The following PKHD1 variants were observed in gnomAD, a reference collection of about 807,000 sequenced individuals.
PKHD1 encodes fibrocystin.
A neutral mutation model predicts 412.0 loss-of-function variants in PKHD1; 291 were observed. That is an observed-to-expected ratio of 0.71 (90% CI 0.64 to 0.78). The LOEUF (loss-of-function observed/expected upper bound fraction) is 0.78, where lower values mean the gene tolerates loss of function less well. Among genes scored for constraint, PKHD1 ranks in the 30% least tolerant of loss-of-function variants. PKHD1 has a pLI of 0.00. For missense variants in PKHD1, 4,825 were observed against 4,950.7 expected (o/e 0.97, Z 0.76); for synonymous variants, 1,777 against 1,821.5 (o/e 0.98, Z 0.62).
intron 36 of PKHD1, among the ~76,000 whole-genome samples, chr6:51,954,416 C>A (rs1790815139): frequency 6.6e-6 from 1 of 152,042 alleles, no homozygotes; most frequent in South Asian, 2.1e-4. Flanking sequence ...AGGCTCAGTT[C>A]TTTGTGGCTA....
Position 52,024,830 on chromosome 6 carries a change from C to T in PKHD1, c.4980G>A (p.Leu1660=), listed in dbSNP as rs767061150. 1 of 1,614,172 alleles carries T rather than the reference C, an allele frequency of 6.2e-7. No individual in the cohort carries two copies. Among genetic ancestry groups the T allele is most frequent in the Non-Finnish European group, 8.5e-7 (1 of 1,180,042 alleles). ...TGTCATCGCTCTGAGAAATAGAGAT[C>T]AATTCTGGGGTAAAGGCCTTGTTAT... ...IGYNKAFTPE[L]ISISQSDDIL... The change falls in exon 32 of 67, where the codon TTG becomes TTA. Residue 1660 remains leucine (L), a synonymous_variant. Coordinates refer to ENST00000371117, the MANE Select transcript of PKHD1 (RefSeq NM_138694.4).
chr6:52,024,859 C>A lies in PKHD1; in HGVS notation c.4951G>T (p.Gly1651Cys). ...DGLWYHIGVIGYNKAFTPELI... is the reference protein window; with the variant it reads ...DGLWYHIGVICYNKAFTPELI... ...TCTGGGGTAAAGGCCTTGTTATAAC[C>A]AATGACTCCTATGTGATACCAAAGT... The change falls in exon 32 of 67, where the codon GGT (glycine) becomes TGT (cysteine). Residue 1651 changes from glycine (G) to cysteine (C), a missense_variant. Transcript: ENST00000371117. 6.2e-7 allele frequency: 1 copy of A among 1,614,204 alleles called. No individual in the cohort carries two copies. The highest frequency in any genetic ancestry group is 8.5e-7 in the Non-Finnish European group (1 of 1,180,032).
intron 43 of PKHD1, among the ~76,000 whole-genome samples, chr6:51,897,129 C>A (rs1028522683): frequency 2.6e-5 from 4 of 152,070 alleles, no homozygotes; most frequent in Non-Finnish European, 4.4e-5. Flanking sequence ...TCTAGCAAGG[C>A]AGGCCAACGT....
chr6:51,680,986 G>A (rs1256007764), intron 60 of PKHD1, among the ~76,000 whole-genome samples: 1 of 151,988 alleles, frequency 6.6e-6, no homozygotes, highest in East Asian at 1.9e-4. Flanking sequence ...TTGGGGTTAA[G>A]GATTGACAGA....
intron 37 of PKHD1, among the ~76,000 whole-genome samples, chr6:51,914,399 A>G (rs893922250): frequency 6.6e-6 from 1 of 152,090 alleles, no homozygotes; most frequent in Non-Finnish European, 1.5e-5. Context: ...TAACACCTCT[A>G]TGTGTATGGT....
At chr6:52,065,830 T>C (rs1195118038) in intron 12 of PKHD1, 146 bp downstream of exon 12, 15 of 662,576 alleles carry the variant, frequency 2.3e-5, no homozygotes, top group Non-Finnish European at 3.3e-5. Context: ...TCCCACCTGG[T>C]CTCAACCAAA....
At chr6:51,739,858 C>G (rs941227257) in intron 60 of PKHD1, 2 of 316,750 alleles carry the variant, frequency 6.3e-6, no homozygotes, top group Non-Finnish European at 1.4e-5. Context: ...TCTGCTGCCT[C>G]CTGACACTGC....
intron 63 of PKHD1, among the ~76,000 whole-genome samples, chr6:51,641,276 T>C (rs558474505): frequency 5.9e-5 from 9 of 152,226 alleles, no homozygotes; most frequent in South Asian, 4.2e-4. Context: ...TTAAAAAAGG[T>C]AATAGTGACA....
At chr6:51,697,969 TAGGA>T (rs1778996235) in intron 60 of PKHD1, among the ~76,000 whole-genome samples, 1 of 152,150 alleles carries the variant, frequency 6.6e-6, no homozygotes, top group Non-Finnish European at 1.5e-5. Context: ...ACCTAGGAGA[TAGGA>T]AGTAAGGAAA....
intron 60 of PKHD1, chr6:51,721,621 G>C: frequency 9.1e-7 from 1 of 1,094,554 alleles, no homozygotes; most frequent in Non-Finnish European, 1.1e-6. Flanking sequence ...ACTCACTAAA[G>C]GCAAAGCTTA....
rs1044158163 is a variant in PKHD1, at chr6:51,640,892, T to G, written c.11399-1936A>C. 8.5e-5 allele frequency among the ~76,000 whole-genome samples: 13 copies of G among 152,336 alleles called. 1 individual carries two copies. Among genetic ancestry groups the G allele is most frequent in the African/African-American group, 2.6e-4 (11 of 41,584 alleles). The stretch of plus-strand genomic sequence containing the variant: ...ACTTTTTATGATAATAGGTTGTAAC[T>G]GCCTTTTCACTGAGGAGGGTCTACT... On this transcript the variant is annotated intron_variant, in intron 63 of 66. Transcript: ENST00000371117.
chr6:51,885,591 C>T lies in PKHD1; in HGVS notation c.7215+276G>A, dbSNP rs543649376. 1.1e-4 allele frequency among the ~76,000 whole-genome samples: 17 copies of T among 152,252 alleles called. No individual in the cohort carries two copies. In the South Asian group the frequency reaches 3.3e-3, roughly 30 times the overall value. Reference sequence around the variant, plus strand: ...TCTGTGATCTCCCCTGATTATAAATCTTTATGATTCTGTTGTTCTCTTCTA... The same window carrying T: ...TCTGTGATCTCCCCTGATTATAAATTTTTATGATTCTGTTGTTCTCTTCTA... On this transcript the variant is annotated intron_variant, in intron 45 of 66. Coordinates refer to ENST00000371117, the MANE Select transcript of PKHD1 (RefSeq NM_138694.4).
intron 35 of PKHD1, among the ~76,000 whole-genome samples, chr6:51,968,427 C>G (rs1003859178): frequency 6.6e-6 from 1 of 152,128 alleles, no homozygotes; most frequent in Non-Finnish European, 1.5e-5. Context: ...GAGCTGTGCT[C>G]ACAGCTCACT....
At chr6:51,921,503 A>G (rs540935268) in intron 37 of PKHD1, among the ~76,000 whole-genome samples, 2 of 152,226 alleles carry the variant, frequency 1.3e-5, no homozygotes, top group South Asian at 2.1e-4. Context: ...ATTCTCCTGG[A>G]TAATATCCTG....
chr6:51,866,203 G>A (rs1583105309), intron 48 of PKHD1, among the ~76,000 whole-genome samples: 1 of 152,054 alleles, frequency 6.6e-6, no homozygotes, highest in Admixed American at 6.6e-5. Flanking sequence ...AGGGTCAGTT[G>A]AGTATTTGTC....
Position 52,055,623 on chromosome 6 carries a change from A to G in PKHD1, c.1800T>C (p.Ala600=), listed in dbSNP as rs2128207363. 6.2e-7 allele frequency: 1 copy of G among 1,614,038 alleles called. No individual in the cohort carries two copies. The highest frequency in any genetic ancestry group is 8.5e-7 in the Non-Finnish European group (1 of 1,179,916). ...QPRHLVLTPP[A]AQKGYRLDQY... ...GATCTAGCCGATAGCCCTTCTGGGCAGCCGGGGGAGTAAGGACAAGGTGTC... is the reference window on the plus strand; with the variant it reads ...GATCTAGCCGATAGCCCTTCTGGGCGGCCGGGGGAGTAAGGACAAGGTGTC... Residue 600 remains alanine (A), a synonymous_variant, in exon 19 of 67, where the codon GCT becomes GCC. Transcript: ENST00000371117.
At chr6:51,738,409 C>T (rs561331384) in intron 60 of PKHD1, among the ~76,000 whole-genome samples, 4 of 152,050 alleles carry the variant, frequency 2.6e-5, no homozygotes, top group Non-Finnish European at 4.4e-5. Context: ...ATATGTAAGG[C>T]GAATAAGTCC....
At chr6:51,778,603 G>A (rs1005332487) in intron 53 of PKHD1, among the ~76,000 whole-genome samples, 1 of 152,042 alleles carries the variant, frequency 6.6e-6, no homozygotes, top group African/African-American at 2.4e-5. Context: ...TGTTCCAGAT[G>A]CTAAAATCAC....
At chr6:52,051,088 A>G (rs1806772381) in intron 21 of PKHD1, among the ~76,000 whole-genome samples, 2 of 152,266 alleles carry the variant, frequency 1.3e-5, no homozygotes, top group Admixed American at 1.3e-4. Flanking sequence ...TGCTAGGCAT[A>G]GACTAGGTGG....
Sources: allele counts gnomAD v4.1 joint callset (sites outside exome capture counted in the v4.1 genomes callset), GRCh38; gene constraint gnomAD v4.1.1; transcripts MANE v1.5; gene names NCBI Gene and HGNC (gene_info 2026-07-23, HGNC 2026-07-21).